Variants in GABRG3 observed in about 807,000 individuals in gnomAD.
GABRG3 encodes gamma-aminobutyric acid receptor subunit gamma-3.
In GABRG3, 25 loss-of-function variants were observed where a neutral mutation model predicts 48.8. The ratio of observed to expected loss-of-function variants is 0.51; its 90% CI spans 0.37 to 0.72. The LOEUF (loss-of-function observed/expected upper bound fraction) is 0.72. GABRG3 is among the 30% of genes least tolerant of loss of function. GABRG3 has a pLI of 0.00. For synonymous variants in GABRG3, 227 were observed against 217.6 expected (o/e 1.04, Z -0.38); for missense variants, 394 against 577.9 (o/e 0.68, Z 3.26).
intron 3 of GABRG3, among the ~76,000 whole-genome samples, chr15:27,275,099 A>T (rs569494598): frequency 2.0e-5 from 3 of 152,290 alleles, no homozygotes; most frequent in Non-Finnish European, 4.4e-5. Flanking sequence ...AATTTGCTTA[A>T]CCATGACCTC....
intron 5 of GABRG3, among the ~76,000 whole-genome samples, chr15:27,334,816 G>A (rs1489817871): frequency 4.6e-5 from 7 of 151,940 alleles, no homozygotes; most frequent in East Asian, 1.9e-4. Flanking sequence ...AAATATTCAC[G>A]AACTAAGGCT....
intron 5 of GABRG3, among the ~76,000 whole-genome samples, chr15:27,369,489 A>G (rs1266257159): frequency 6.6e-6 from 1 of 152,214 alleles, no homozygotes; most frequent in Non-Finnish European, 1.5e-5. Flanking sequence ...TTCTAGGAAT[A>G]TCTTTGGTGT....
intron 3 of GABRG3, among the ~76,000 whole-genome samples, chr15:27,177,030 G>T (rs1467723144): frequency 1.3e-5 from 2 of 152,190 alleles, no homozygotes; most frequent in African/African-American, 2.4e-5. Context: ...GAGGACAAGA[G>T]ATATTTTTAT....
At chr15:27,335,656 A>T (rs1167964061) in intron 5 of GABRG3, among the ~76,000 whole-genome samples, 1 of 152,018 alleles carries the variant, frequency 6.6e-6, no homozygotes, top group Non-Finnish European at 1.5e-5. Flanking sequence ...AGCAGAGTGG[A>T]GGGGACCAGG....
Position 27,480,694 on chromosome 15 carries a change from T to G in GABRG3, c.619T>G (p.Ser207Ala). 3 of 1,612,310 alleles carry G rather than the reference T, an allele frequency of 1.9e-6. No homozygotes were observed. The South Asian group carries it at 3.3e-5, about 18-fold the overall frequency. The change falls in exon 6 of 10, where the codon TCA becomes GCA. Residue 207 changes from serine to alanine, a missense_variant. Around this residue, in one of 3 missense-constraint regions of GABRG3, gnomAD observed 218 missense variants for 309.9 expected, o/e 0.70. Transcript: ENST00000615808. ...EEMIYRWRKN[S>A]VEAADQKSWR... ...AATGATTTATAGATGGAGAAAAAAT[T>G]CAGTGGAGGCAGCTGACCAGAAATC...
intron 3 of GABRG3, among the ~76,000 whole-genome samples, chr15:27,196,782 G>A (rs981195973): frequency 1.3e-5 from 2 of 152,210 alleles, no homozygotes; most frequent in Non-Finnish European, 2.9e-5. Flanking sequence ...CATCTGGATC[G>A]TAGCTCTTCC....
In GABRG3 at chr15:27,328,905, GC is replaced by G; in HGVS notation, c.574+20del. 6.2e-7 allele frequency: 1 copy of G among 1,608,942 alleles called. No individual in the cohort carries two copies. Among genetic ancestry groups the G allele is most frequent in the Non-Finnish European group, 8.5e-7 (1 of 1,175,290 alleles). On this transcript the variant is annotated intron_variant, in intron 5 of 9. Transcript: ENST00000615808. ...TCTCCAGCTGTGAGTACCAGTCCAA[GC>G]CCGGGGTGTGCATGCTGTGTGAGGG...
intron 3 of GABRG3, among the ~76,000 whole-genome samples, chr15:27,177,394 T>C (rs28835916): frequency 0.073 from 11,074 of 152,272 alleles, 817 homozygotes; most frequent in African/African-American, 0.18. Context: ...TAAGCAATTA[T>C]AGAATAGCAA....
At chr15:27,048,357 C>A (rs1363092824) in intron 3 of GABRG3, among the ~76,000 whole-genome samples, 1 of 152,146 alleles carries the variant, frequency 6.6e-6, no homozygotes, top group Admixed American at 6.5e-5. Flanking sequence ...GTGCCAGGCT[C>A]CCGGCTGACC....
At chr15:27,503,933 A>G (rs998048111) in intron 6 of GABRG3, among the ~76,000 whole-genome samples, 1 of 152,078 alleles carries the variant, frequency 6.6e-6, no homozygotes, top group Non-Finnish European at 1.5e-5. Flanking sequence ...GAATTTCTTT[A>G]TCTGTTGTGG....
At chr15:27,109,314 T>C (rs375710598) in intron 3 of GABRG3, among the ~76,000 whole-genome samples, 13 of 152,240 alleles carry the variant, frequency 8.5e-5, no homozygotes, top group African/African-American at 3.1e-4. Context: ...TTGGTACAAC[T>C]GATAAGTCAC....
intron 5 of GABRG3, among the ~76,000 whole-genome samples, chr15:27,420,933 C>T (rs1465642114): frequency 2.6e-5 from 4 of 152,232 alleles, no homozygotes; most frequent in African/African-American, 9.7e-5. Context: ...CACCTTCTTA[C>T]ACTCTTCACT....
rs891653452 is a variant in GABRG3 at position 26,971,734 on chromosome 15, C to T, written c.53+146C>T. On this transcript the variant is annotated intron_variant, in intron 1 of 9. Transcript: ENST00000615808. The stretch of plus-strand genomic sequence containing the variant: ...GGGAGGGGACTGGGAAGTCGGTCTG[C>T]ACCTCACCTGTCCCAGCTCCCTTGG... The T allele has an allele frequency of 3.1e-5, 26 of 847,030 alleles. 1 individual carries two copies. The highest frequency in any genetic ancestry group is 3.8e-4 in the Middle Eastern group (1 of 2,650). The allele number at this position is 847,030 out of a possible 1,614,324, so 52.5% of individuals were successfully genotyped here.
Position 27,319,580 on chromosome 15 carries a change from G to A in GABRG3, c.271-7229G>A, listed in dbSNP as rs1893349219. On this transcript the variant is annotated intron_variant, in intron 3 of 9. Coordinates refer to ENST00000615808, the MANE Select transcript of GABRG3 (RefSeq NM_033223.5). This position sits in a 1 kb window ranked among gnomAD's most constrained non-coding sequence, Gnocchi z 4.4. Reference sequence around the variant, plus strand: ...GGAGGGGCAGGCTGTTGGCAAATATGCCAATGCCACGGGAAGATGGCAGAC... The same window carrying A: ...GGAGGGGCAGGCTGTTGGCAAATATACCAATGCCACGGGAAGATGGCAGAC... Among the ~76,000 whole-genome samples the A allele has an allele frequency of 6.6e-6, 1 of 152,134 alleles. No individual in the cohort carries two copies. The highest frequency in any genetic ancestry group is 1.5e-5 in the Non-Finnish European group (1 of 68,028).
At chr15:27,262,230 G>A (rs1481740217) in intron 3 of GABRG3, among the ~76,000 whole-genome samples, 2 of 152,198 alleles carry the variant, frequency 1.3e-5, no homozygotes, top group East Asian at 3.9e-4. Flanking sequence ...GCCCTCCCGC[G>A]CATTTGCGTC....
chr15:27,440,695 C>T (rs112359642), intron 5 of GABRG3, among the ~76,000 whole-genome samples: 3 of 152,294 alleles, frequency 2.0e-5, no homozygotes, highest in African/African-American at 7.2e-5. Context: ...AATATTCCTT[C>T]TCTATTTTAC....
chr15:27,388,223 A>G (rs1368818984), intron 5 of GABRG3, among the ~76,000 whole-genome samples: 2 of 70,038 alleles, frequency 2.9e-5, no homozygotes, highest in Admixed American at 1.5e-4. Context: ...GGAGGAAGGA[A>G]GGAAAGGGAG....
At chr15:27,025,985 G>T (rs1330294611) in intron 2 of GABRG3, among the ~76,000 whole-genome samples, 1 of 152,170 alleles carries the variant, frequency 6.6e-6, no homozygotes, top group African/African-American at 2.4e-5. Flanking sequence ...TCATTATCAG[G>T]CTTGCTCAGT....
chr15:27,483,971 G>T (rs957233894), intron 6 of GABRG3, among the ~76,000 whole-genome samples: 11 of 151,846 alleles, frequency 7.2e-5, no homozygotes, highest in Admixed American at 2.6e-4. Flanking sequence ...TTTCACTCTT[G>T]CTACCCACGC....
Sources: allele counts gnomAD v4.1 joint callset (sites outside exome capture counted in the v4.1 genomes callset), GRCh38; gene constraint gnomAD v4.1.1; regional missense constraint gnomAD v4.1.1; non-coding constraint Gnocchi (gnomAD v3.1); transcripts MANE v1.5; gene names NCBI Gene and HGNC (gene_info 2026-07-23, HGNC 2026-07-21).